STOM: variants seen among roughly 807,000 people sequenced by gnomAD.
The protein encoded by STOM is stomatin.
A neutral mutation model predicts 30.6 loss-of-function variants in STOM; 25 were observed. The observed-to-expected ratio is 0.82, with a 90% CI of 0.60 to 1.14. STOM has a LOEUF of 1.14. Among genes scored for constraint, STOM ranks in the 50% most tolerant of loss-of-function variants. The pLI, the probability that STOM is intolerant of heterozygous loss-of-function variation, is 0.00. For synonymous variants in STOM, 118 were observed against 130.8 expected, an observed-to-expected ratio of 0.90 and a Z score of 0.67; for missense variants, 292 against 365.2, an observed-to-expected ratio of 0.80 and a Z score of 1.63.
chr9:121,346,468 G>A (rs2064290730), intron 6 of STOM, among the ~76,000 whole-genome samples: 2 of 152,234 alleles, frequency 1.3e-5, no homozygotes, highest in East Asian at 1.9e-4. Flanking sequence ...ACCTATGGAA[G>A]ATAATCTCTG....
chr9:121,366,832 TG>T (rs956168050), intron 1 of STOM, among the ~76,000 whole-genome samples: 1 of 152,020 alleles, frequency 6.6e-6, no homozygotes, highest in Non-Finnish European at 1.5e-5. Flanking sequence ...AGCTCATGCC[TG>T]TTGTCCCAGC....
rs1434424134 is a variant in STOM at position 121,360,592 on chromosome 9, GT to G, written c.62-4437del. 2.0e-5 allele frequency among the ~76,000 whole-genome samples: 3 copies of G among 152,146 alleles called. No homozygotes were observed. The East Asian group carries it at 5.8e-4, about 29-fold the overall frequency. On this transcript the variant is annotated intron_variant, in intron 1 of 6. Coordinates refer to ENST00000286713, the MANE Select transcript of STOM (RefSeq NM_004099.6). ...TGTAATCCTTCTATTTTACTTAAGT[GT>G]TTGTATCTTCATGAAGAAAAATGGG... is the stretch of plus-strand genomic sequence containing the variant.
chr9:121,355,970 T>C, intron 2 of STOM, 83 bp downstream of exon 2: 1 of 913,262 alleles, frequency 1.1e-6, no homozygotes, highest in East Asian at 2.7e-5. Context: ...TGTTTCTTTC[T>C]CACATACACA....
At chr9:121,346,517 A>G (rs982704643) in intron 6 of STOM, among the ~76,000 whole-genome samples, 1 of 152,234 alleles carries the variant, frequency 6.6e-6, no homozygotes, top group African/African-American at 2.4e-5. Flanking sequence ...TAGTATATGT[A>G]TGGTACATTC....
rs117848972 is a variant in STOM, at chr9:121,366,297, G to C, written c.61+3830C>G. ...AGATTAAAAAAGAATGTAGCAACAA[G>C]TGTGTGTCAATAGAAAATTATTTTA... On this transcript the variant is annotated intron_variant, in intron 1 of 6. Transcript: ENST00000286713. The C allele has an allele frequency of 0.031, 30,489 of 968,802 alleles. 547 individuals are homozygous for C. Among genetic ancestry groups the C allele is most frequent in the Non-Finnish European group, 0.035 (28,389 of 814,832 alleles). The allele number at this position is 968,802 out of a possible 1,614,324, so 60.0% of individuals were successfully genotyped here. A position where few individuals can be genotyped will look rare whatever the true frequency, so the allele number is the denominator to read the frequency against.
intron 1 of STOM, 80 bp downstream of exon 1, chr9:121,370,047 G>T: frequency 7.4e-7 from 1 of 1,346,886 alleles, no homozygotes; most frequent in South Asian, 1.3e-5. Context: ...CTGGCCAGGA[G>T]CCCGGCTGTC....
chr9:121,365,336 G>A (rs969845254), intron 1 of STOM, among the ~76,000 whole-genome samples: 2 of 152,054 alleles, frequency 1.3e-5, no homozygotes, highest in Non-Finnish European at 2.9e-5. Context: ...GGCTGAACAT[G>A]GCCCATGTCT....
chr9:121,356,057 A>G lies in STOM; in HGVS notation c.161T>C (p.Ile54Thr). 1.2e-6 allele frequency: 2 copies of G among 1,613,800 alleles called. No homozygotes were observed. The highest frequency in any genetic ancestry group is 1.1e-5 in the South Asian group (1 of 91,014). Reference protein sequence around the residue: ...ITFPISIWMCIKIIKEYERAI... With the variant: ...ITFPISIWMCTKIIKEYERAI... ...AGTGAATGAAATGTTCTTTACCTTTATGCACATCCATATTGAGATTGGGAA... is the reference window on the plus strand; with the variant it reads ...AGTGAATGAAATGTTCTTTACCTTTGTGCACATCCATATTGAGATTGGGAA... Residue 54 changes from isoleucine to threonine, a missense_variant, in exon 2 of 7, where the codon ATA becomes ACA. By Grantham distance (89) the Ile-to-Thr change is moderately conservative. Coordinates refer to ENST00000286713, the MANE Select transcript of STOM (RefSeq NM_004099.6).
intron 6 of STOM, among the ~76,000 whole-genome samples, chr9:121,346,391 TG>T (rs1000598826): frequency 1.5e-4 from 23 of 152,226 alleles, no homozygotes. Flanking sequence ...AGGAAAACAG[TG>T]CTGTGGTTAA....
chr9:121,352,706 G>A (rs2064349779), intron 4 of STOM, among the ~76,000 whole-genome samples: 2 of 152,186 alleles, frequency 1.3e-5, no homozygotes, highest in South Asian at 4.1e-4. Context: ...TATTACAAAT[G>A]TCTATTTTCT....
chr9:121,347,636 A>G (rs531100161), intron 6 of STOM, among the ~76,000 whole-genome samples: 2 of 152,312 alleles, frequency 1.3e-5, no homozygotes, highest in African/African-American at 2.4e-5. Context: ...TGACCTTAAT[A>G]TGGAATCGGG....
At chr9:121,368,589 A>G (rs2064528049) in intron 1 of STOM, among the ~76,000 whole-genome samples, 1 of 152,232 alleles carries the variant, frequency 6.6e-6, no homozygotes, top group African/African-American at 2.4e-5. Flanking sequence ...ATATGGGGAT[A>G]AGAATACCTA....
At chr9:121,347,973 G>A in intron 6 of STOM, 42 bp downstream of exon 6, 1 of 1,566,566 alleles carries the variant, frequency 6.4e-7, no homozygotes, top group Non-Finnish European at 8.6e-7. Context: ...ATTAATAAAA[G>A]AGAAAACTCA....
Position 121,341,135 on chromosome 9 carries a change from T to C in STOM, c.*67A>G. On this transcript the variant is annotated 3_prime_UTR_variant, in exon 7 of 7. Transcript: ENST00000286713. ...ATGGAAAAAGAAAAGCCCTACCCTC[T>C]CTTTATGAGTTAAAGGCTAATTTGG... 15 of 1,605,984 alleles carry C rather than the reference T, an allele frequency of 9.3e-6. No individual in the cohort carries two copies. Among genetic ancestry groups the C allele is most frequent in the Non-Finnish European group, 1.3e-5 (15 of 1,174,266 alleles).
At chr9:121,348,250 G>T in intron 5 of STOM, 101 bp from the exon 6 acceptor site, 1 of 1,515,568 alleles carries the variant, frequency 6.6e-7, no homozygotes. Flanking sequence ...GTGCTGGGGA[G>T]AGTTGTGGAG....
At chr9:121,356,684 G>A (rs2064394017) in intron 1 of STOM, among the ~76,000 whole-genome samples, 1 of 152,046 alleles carries the variant, frequency 6.6e-6, no homozygotes. Context: ...AGAAAATATC[G>A]ACGAAAAGAA....
chr9:121,340,020 T>C lies in STOM; in HGVS notation c.*1182A>G. On this transcript the variant is annotated 3_prime_UTR_variant, in exon 7 of 7. Coordinates refer to ENST00000286713, the MANE Select transcript of STOM (RefSeq NM_004099.6). Reference sequence around the variant, plus strand: ...ATAATGGTTTCCTGAAGTTATCTCTTAAAAAAGTATTTTAGTCCTTCAGCT... The same window carrying C: ...ATAATGGTTTCCTGAAGTTATCTCTCAAAAAAGTATTTTAGTCCTTCAGCT... The C allele has an allele frequency of 1.0e-6, 1 of 985,340 alleles. No individual in the cohort carries two copies. Among genetic ancestry groups the C allele is most frequent in the African/African-American group, 1.7e-5 (1 of 57,444 alleles). The allele number at this position is 985,340 out of a possible 1,614,324, so 61.0% of individuals were successfully genotyped here. A position where few individuals can be genotyped will look rare whatever the true frequency, so the allele number is the denominator to read the frequency against.
chr9:121,358,219 G>A (rs994810271), intron 1 of STOM, among the ~76,000 whole-genome samples: 1 of 152,108 alleles, frequency 6.6e-6, no homozygotes, highest in African/African-American at 2.4e-5. Context: ...CACTTTGGGA[G>A]GCCGAGATGG....
rs1358230392 is a variant in STOM at position 121,370,212 on chromosome 9, C to A, written c.-25G>T. The A allele has an allele frequency of 6.5e-7, 1 of 1,543,852 alleles. No individual in the cohort carries two copies. Among genetic ancestry groups the A allele is most frequent in the Middle Eastern group, 1.7e-4 (1 of 5,790 alleles). Reference sequence around the variant, plus strand: ...TGCTGCCCGAGACGCAGTCGCACTCCCCCGTCCTCGTTGCCAAACCCGGAG... The same window carrying A: ...TGCTGCCCGAGACGCAGTCGCACTCACCCGTCCTCGTTGCCAAACCCGGAG... On this transcript the variant is annotated 5_prime_UTR_variant, in exon 1 of 7. Coordinates refer to ENST00000286713, the MANE Select transcript of STOM (RefSeq NM_004099.6).
Sources: gnomAD v4.1 joint callset for allele counts (sites outside exome capture counted in the v4.1 genomes callset) on GRCh38, gnomAD v4.1.1 for gene constraint, MANE v1.5 for transcripts, NCBI Gene and HGNC (gene_info 2026-07-23, HGNC 2026-07-21) for gene names.